EHD2: variants seen among roughly 807,000 people sequenced by gnomAD.
EHD2 encodes EH domain-containing protein 2.
Under a neutral mutation model 41.0 loss-of-function variants are expected in EHD2, and 27 were observed. The observed-to-expected ratio is 0.66, with a 90% CI of 0.49 to 0.91. EHD2 has a LOEUF of 0.91. Ranked by LOEUF, EHD2 falls within the 40% of genes least tolerant of loss-of-function variation. The probability of loss-of-function intolerance (pLI) is 0.00; values close to 1 mark genes in which losing one functional copy is unlikely to be tolerated. For synonymous variants in EHD2, 342 were observed against 341.0 expected (o/e 1.00, Z -0.03); for missense variants, 673 against 773.9 (o/e 0.87, Z 1.55).
At position 47,716,919 on chromosome 19, in the gene EHD2, G is replaced by C; in HGVS notation, c.307G>C (p.Gly103Arg). 1 of 1,611,306 alleles carries C rather than the reference G, an allele frequency of 6.2e-7. No homozygotes were observed. The highest frequency in any genetic ancestry group is 8.5e-7 in the Non-Finnish European group (1 of 1,179,938). ...CGACTGCTTTGTGGCCGTCATGCACGGGGACACTGAGGGCACCGTGCCCGG... is the reference window on the plus strand; with the variant it reads ...CGACTGCTTTGTGGCCGTCATGCACCGGGACACTGAGGGCACCGTGCCCGG... Reference protein sequence around the residue: ...TTDCFVAVMHGDTEGTVPGNA... With the variant: ...TTDCFVAVMHRDTEGTVPGNA... The change falls in exon 2 of 6, where the codon GGG becomes CGG. Residue 103 changes from glycine to arginine, a missense_variant. Gly to Arg is a moderately radical substitution (Grantham distance 125, BLOSUM62 -2). Coordinates refer to ENST00000263277, the MANE Select transcript of EHD2 (RefSeq NM_014601.4).
chr19:47,731,303 C>CATATATATATATACATATATAT (rs1169433614), intron 4 of EHD2: 2 of 58,466 alleles, frequency 3.4e-5, no homozygotes, highest in Non-Finnish European at 8.1e-5. Flanking sequence ...TATATATATA[C>CATATATATATATACATATATAT]ATATATATAT....
chr19:47,716,894 C>G lies in EHD2; in HGVS notation c.282C>G (p.Thr94=), dbSNP rs377125908. 1 of 1,612,570 alleles carries G rather than the reference C, an allele frequency of 6.2e-7. No individual in the cohort carries two copies. Among genetic ancestry groups the G allele is most frequent in the Non-Finnish European group, 8.5e-7 (1 of 1,179,902 alleles). ...PGSRVGPEPT[T]DCFVAVMHGD... ...CCCGCGTGGGGCCTGAGCCCACCAC[C>G]GACTGCTTTGTGGCCGTCATGCACG... The change falls in exon 2 of 6, where the codon ACC becomes ACG. Residue 94 remains threonine (T), a synonymous_variant. Coordinates refer to ENST00000263277, the MANE Select transcript of EHD2 (RefSeq NM_014601.4).
chr19:47,722,815 G>A (rs1322468052), intron 3 of EHD2, among the ~76,000 whole-genome samples: 16 of 152,092 alleles, frequency 1.1e-4, no homozygotes, highest in Admixed American at 3.9e-4. Context: ...TGATCCACCC[G>A]CCTCAGCCTC....
intron 4 of EHD2, among the ~76,000 whole-genome samples, chr19:47,734,264 G>A (rs926632135): frequency 9.9e-5 from 15 of 151,992 alleles, no homozygotes; most frequent in African/African-American, 3.4e-4. Flanking sequence ...GAGCTGGGAA[G>A]GTGGAGGTTG....
chr19:47,719,262 G>C lies in EHD2; in HGVS notation c.502+656G>C, dbSNP rs1973669615. Among the ~76,000 whole-genome samples the C allele has an allele frequency of 6.6e-6, 1 of 152,110 alleles. No individual in the cohort carries two copies. Among genetic ancestry groups the C allele is most frequent in the Admixed American group, 6.5e-5 (1 of 15,276 alleles). On this transcript the variant is annotated intron_variant, in intron 3 of 5. Coordinates refer to ENST00000263277, the MANE Select transcript of EHD2 (RefSeq NM_014601.4). The surrounding 1 kb of genome is among the most constrained non-coding windows in gnomAD (Gnocchi z 4.1). ...AGGGAGACACAAGGCCTGGAGATGA[G>C]GCAGAGCCTGGGCAGGGGAGGCAGA...
intron 3 of EHD2, 37 bp downstream of exon 3, chr19:47,718,643 G>T: frequency 6.5e-7 from 1 of 1,538,942 alleles, no homozygotes; most frequent in Non-Finnish European, 8.8e-7. Flanking sequence ...GAGGGAGGAG[G>T]GGCTGGGGCC....
At chr19:47,730,529 C>A (rs1237263996) in intron 4 of EHD2, among the ~76,000 whole-genome samples, 2 of 152,178 alleles carry the variant, frequency 1.3e-5, no homozygotes, top group African/African-American at 4.8e-5. Flanking sequence ...GAGTCCGCCA[C>A]ACTTGGTCGT....
chr19:47,735,903 C>CG (rs1966916516), intron 4 of EHD2, among the ~76,000 whole-genome samples: 1 of 49,472 alleles, frequency 2.0e-5, no homozygotes, highest in African/African-American at 1.4e-4. Flanking sequence ...GACTCTGTCT[C>CG]GAAAAAAAAA....
In EHD2 at chr19:47,714,929, T is replaced by G. The variant is rs572113575; in HGVS notation, c.-56+1391T>G. 2.6e-5 allele frequency among the ~76,000 whole-genome samples: 4 copies of G among 151,998 alleles called. No individual in the cohort carries two copies. The East Asian group carries it at 7.7e-4, about 29-fold the overall frequency. On this transcript the variant is annotated intron_variant, in intron 1 of 5. Transcript: ENST00000263277. ...GGTGCATGCCTCTAGTCCCAACTAC[T>G]TGGGAGGCTGAGGCAGGAGAATCCC...
intron 4 of EHD2, among the ~76,000 whole-genome samples, chr19:47,727,980 C>G (rs1973769116): frequency 6.6e-6 from 1 of 151,386 alleles, no homozygotes; most frequent in African/African-American, 2.4e-5. Context: ...CCTGTAATCC[C>G]AGCTACTTGG....
In EHD2 at chr19:47,717,022, C is replaced by G. The variant is rs997810967; in HGVS notation, c.404+6C>G. On this transcript the variant is annotated splice_donor_region_variant and intron_variant, in intron 2 of 5. Transcript: ENST00000263277. Reference sequence around the variant, plus strand: ...GGAAACACCTTCCTCAACAGGTGTGCCAGCCGCGAGCCCAGGGCGCATCTT... The same window carrying G: ...GGAAACACCTTCCTCAACAGGTGTGGCAGCCGCGAGCCCAGGGCGCATCTT... 6.3e-7 allele frequency: 1 copy of G among 1,599,130 alleles called. No individual in the cohort carries two copies. The highest frequency in any genetic ancestry group is 8.5e-7 in the Non-Finnish European group (1 of 1,179,892).
At chr19:47,733,044 C>G (rs1966885931) in intron 4 of EHD2, 1 of 151,098 alleles carries the variant, frequency 6.6e-6, no homozygotes, top group Non-Finnish European at 1.5e-5. Flanking sequence ...GATCGCACCA[C>G]TGCACTCCAG....
chr19:47,714,214 T>G (rs1250707455), intron 1 of EHD2, among the ~76,000 whole-genome samples: 2 of 152,152 alleles, frequency 1.3e-5, no homozygotes, highest in Non-Finnish European at 2.9e-5. Flanking sequence ...TCTGTCCCTG[T>G]AACATGCCCT....
At position 47,741,628 on chromosome 19, in the gene EHD2, T is replaced by C. The variant is rs2123663122; in HGVS notation, c.*196T>C. On this transcript the variant is annotated 3_prime_UTR_variant, in exon 6 of 6. Coordinates refer to ENST00000263277, the MANE Select transcript of EHD2 (RefSeq NM_014601.4). This position sits in a 1 kb window ranked among gnomAD's most constrained non-coding sequence, Gnocchi z 4.5. ...CCACGGGAGGGACAAGGCTTCTCTG[T>C]CCGCCCTTCACACCTCCAGCCTCAC... The C allele has an allele frequency of 1.5e-6, 1 of 654,168 alleles. No homozygotes were observed. Among genetic ancestry groups the C allele is most frequent in the Non-Finnish European group, 2.6e-6 (1 of 382,708 alleles). 40.5% of individuals were successfully genotyped at this position (654,168 alleles called of 1,614,324 possible). A position where few individuals can be genotyped will look rare whatever the true frequency, so the allele number is the denominator to read the frequency against.
At chr19:47,733,396 A>C (rs1346993800) in intron 4 of EHD2, among the ~76,000 whole-genome samples, 2 of 151,958 alleles carry the variant, frequency 1.3e-5, no homozygotes, top group Non-Finnish European at 2.9e-5. Context: ...ACATTAGGCC[A>C]GGCGCGGTGG....
chr19:47,718,862 T>TG (rs58731047), intron 3 of EHD2, among the ~76,000 whole-genome samples: 11 of 117,158 alleles, frequency 9.4e-5, no homozygotes, highest in African/African-American at 3.5e-4. Flanking sequence ...GAGGAGGGAC[T>TG]GGGGTCTGGA....
intron 4 of EHD2, among the ~76,000 whole-genome samples, chr19:47,729,862 C>G (rs1369298067): frequency 6.6e-6 from 1 of 152,128 alleles, no homozygotes; most frequent in Non-Finnish European, 1.5e-5. Context: ...CTACCTCTCT[C>G]TCAGTCTCTT....
At chr19:47,717,342 C>T (rs1599885615) in intron 2 of EHD2, among the ~76,000 whole-genome samples, 1 of 152,046 alleles carries the variant, frequency 6.6e-6, no homozygotes, top group East Asian at 1.9e-4. Flanking sequence ...AGCCACTGCG[C>T]CCGGCCCTGG....
In EHD2 at chr19:47,719,663, G is replaced by C. The variant is rs553687772; in HGVS notation, c.502+1057G>C. On this transcript the variant is annotated intron_variant, in intron 3 of 5. Transcript: ENST00000263277. This position sits in a 1 kb window ranked among gnomAD's most constrained non-coding sequence, Gnocchi z 4.1. ...GGGTGGGGACGCTGGGGGTGACCAT[G>C]TCTCTGGCTGCCGTCCAGAGGCCCC... Among the ~76,000 whole-genome samples, 1 of 152,266 alleles carries C rather than the reference G, an allele frequency of 6.6e-6. No individual in the cohort carries two copies. Among genetic ancestry groups the C allele is most frequent in the African/African-American group, 2.4e-5 (1 of 41,558 alleles).
Sources: gnomAD v4.1 joint callset for allele counts (sites outside exome capture counted in the v4.1 genomes callset) on GRCh38, gnomAD v4.1.1 for gene constraint, Gnocchi (gnomAD v3.1) non-coding constraint, MANE v1.5 for transcripts, NCBI Gene and HGNC (gene_info 2026-07-23, HGNC 2026-07-21) for gene names.